The following CDH13 variants were observed in gnomAD, a reference collection of about 807,000 sequenced individuals.
CDH13 encodes the protein cadherin-13.
A neutral mutation model predicts 63.8 loss-of-function variants in CDH13; 24 were observed. That is an observed-to-expected ratio of 0.38 (90% CI 0.27 to 0.53). The LOEUF (loss-of-function observed/expected upper bound fraction) is 0.53. Ranked by LOEUF, CDH13 falls within the 20% of genes least tolerant of loss-of-function variation. The pLI, the probability that CDH13 is intolerant of heterozygous loss-of-function variation, is 0.85. For synonymous variants in CDH13, 503 were observed against 355.3 expected (o/e 1.42, Z -4.67); for missense variants, 1,049 against 903.1 (o/e 1.16, Z -2.07).
intron 5 of CDH13, among the ~76,000 whole-genome samples, chr16:83,327,849 G>T (rs1895533): frequency 0.99 from 151,174 of 152,368 alleles, 75,004 homozygotes; most frequent in Middle Eastern, 1. Context: ...TTAACACCTG[G>T]TGGCTGGGCG....
chr16:83,344,822 T>C, intron 5 of CDH13, 40 bp from the exon 6 acceptor site: 1 of 1,606,956 alleles, frequency 6.2e-7, no homozygotes, highest in Non-Finnish European at 8.5e-7. Flanking sequence ...TCATAATGAA[T>C]TAATATCTTC....
At chr16:82,936,733 C>T (rs886259033) in intron 2 of CDH13, among the ~76,000 whole-genome samples, 6 of 152,136 alleles carry the variant, frequency 3.9e-5, no homozygotes, top group East Asian at 1.9e-4. Flanking sequence ...ATATGTTGGA[C>T]GAGCACTGTG....
intron 2 of CDH13, among the ~76,000 whole-genome samples, chr16:82,976,425 A>C (rs1909514784): frequency 6.6e-6 from 1 of 152,058 alleles, no homozygotes; most frequent in South Asian, 2.1e-4. Flanking sequence ...ACTGTGCTGG[A>C]GCTCCAGGCG....
At chr16:83,730,763 A>G (rs1910950707) in intron 10 of CDH13, among the ~76,000 whole-genome samples, 2 of 152,032 alleles carry the variant, frequency 1.3e-5, no homozygotes, top group African/African-American at 4.8e-5. Flanking sequence ...TGATCCCATC[A>G]CCCAGACAGT....
chr16:83,535,916 AAAG>A (rs895280992), intron 7 of CDH13, among the ~76,000 whole-genome samples: 29 of 144,024 alleles, frequency 2.0e-4, no homozygotes, highest in African/African-American at 7.4e-4. Flanking sequence ...GAAAAAAAGG[AAAG>A]AAGGAAAGAA....
At chr16:83,244,301 TAACA>T (rs1904767349) in intron 5 of CDH13, among the ~76,000 whole-genome samples, 1 of 152,136 alleles carries the variant, frequency 6.6e-6, no homozygotes, top group Non-Finnish European at 1.5e-5. Flanking sequence ...ACAATTTATT[TAACA>T]AACATCTAGT....
chr16:82,832,526 T>A (rs755448366), intron 1 of CDH13, among the ~76,000 whole-genome samples: 5 of 152,010 alleles, frequency 3.3e-5, no homozygotes, highest in Non-Finnish European at 5.9e-5. Flanking sequence ...GAAAATACAG[T>A]CTATTAAACA....
At chr16:82,679,434 C>T (rs1288726484) in intron 1 of CDH13, among the ~76,000 whole-genome samples, 8 of 152,170 alleles carry the variant, frequency 5.3e-5, no homozygotes, top group African/African-American at 1.9e-4. Context: ...AAAGATTTAC[C>T]TCCTACTAAA....
At chr16:83,145,783 G>C (rs969464363) in intron 4 of CDH13, among the ~76,000 whole-genome samples, 2 of 152,174 alleles carry the variant, frequency 1.3e-5, no homozygotes, top group Non-Finnish European at 2.9e-5. Context: ...ACCAGCCTGG[G>C]TTCTGCCCTT....
At position 83,670,213 on chromosome 16, in the gene CDH13, G is replaced by A. The variant is rs143308302; in HGVS notation, c.1102-577G>A. On this transcript the variant is annotated intron_variant, in intron 8 of 13. Transcript: ENST00000567109. ...TAGCAGTATCTAGCAGAGGATCTGGGGTCAAATCCCAGTCTCTCCACTTAC... is the reference window on the plus strand; with the variant it reads ...TAGCAGTATCTAGCAGAGGATCTGGAGTCAAATCCCAGTCTCTCCACTTAC... 3.4e-3 allele frequency among the ~76,000 whole-genome samples: 510 copies of A among 152,188 alleles called. 7 individuals are homozygous for A. The highest frequency in any genetic ancestry group is 0.012 in the African/African-American group (492 of 41,532).
chr16:82,964,833 G>GT lies in CDH13; in HGVS notation c.158-67170dup, dbSNP rs766183251. ...GTCCTGTCGAAATGACTGATCCTGG[G>GT]TTTTTTTCTTCCTTGTTGCTGTCCT... On this transcript the variant is annotated intron_variant, in intron 2 of 13. Transcript: ENST00000567109. Among the ~76,000 whole-genome samples the GT allele has an allele frequency of 5.3e-5, 8 of 152,132 alleles. No individual in the cohort carries two copies. In the East Asian group the frequency reaches 1.2e-3, roughly 22 times the overall value.
chr16:83,214,033 G>A (rs985257230), intron 4 of CDH13, among the ~76,000 whole-genome samples: 8 of 152,046 alleles, frequency 5.3e-5, no homozygotes, highest in African/African-American at 1.9e-4. Context: ...GCAGGACATG[G>A]GTGGGGACAA....
intron 6 of CDH13, among the ~76,000 whole-genome samples, chr16:83,358,646 C>T (rs73597913): frequency 6.0e-4 from 91 of 152,292 alleles, no homozygotes; most frequent in East Asian, 2.9e-3. Context: ...AGTCAAGCCA[C>T]GCTTTTTAAC....
chr16:82,981,082 T>G (rs537558608), intron 2 of CDH13, among the ~76,000 whole-genome samples: 18 of 152,266 alleles, frequency 1.2e-4, no homozygotes, highest in African/African-American at 4.3e-4. Context: ...AAATACCCAT[T>G]CTAGGTGGTT....
chr16:82,666,834 C>G (rs1389102305), intron 1 of CDH13, among the ~76,000 whole-genome samples: 1 of 152,182 alleles, frequency 6.6e-6, no homozygotes, highest in Non-Finnish European at 1.5e-5. Context: ...GCCAGCCTGC[C>G]TTCCCACCAT....
chr16:82,991,897 G>C (rs1911702653), intron 2 of CDH13, among the ~76,000 whole-genome samples: 1 of 151,980 alleles, frequency 6.6e-6, no homozygotes, highest in South Asian at 2.1e-4. Flanking sequence ...GGATGAGAGT[G>C]ATATAAAGAA....
intron 8 of CDH13, among the ~76,000 whole-genome samples, chr16:83,646,386 A>G (rs1911795818): frequency 6.6e-6 from 1 of 152,154 alleles, no homozygotes; most frequent in African/African-American, 2.4e-5. Flanking sequence ...GCCGTTCTGC[A>G]GGGCTCAACT....
chr16:82,904,994 T>G (rs2041595152), intron 2 of CDH13, among the ~76,000 whole-genome samples: 1 of 152,146 alleles, frequency 6.6e-6, no homozygotes, highest in African/African-American at 2.4e-5. Flanking sequence ...GAACCCAGGT[T>G]TCTTCAAAAT....
At chr16:83,333,134 A>G (rs990141256) in intron 5 of CDH13, among the ~76,000 whole-genome samples, 1 of 152,186 alleles carries the variant, frequency 6.6e-6, no homozygotes, top group African/African-American at 2.4e-5. Context: ...GGAATGTTAC[A>G]AAGGGCTTAA....
Sources: gnomAD v4.1 joint callset for allele counts (sites outside exome capture counted in the v4.1 genomes callset) on GRCh38, gnomAD v4.1.1 for gene constraint, MANE v1.5 for transcripts, NCBI Gene and HGNC (gene_info 2026-07-23, HGNC 2026-07-21) for gene names.